MVK: variants seen among roughly 807,000 people sequenced by gnomAD.
MVK encodes the protein mevalonate kinase.
MVK carries 34 observed loss-of-function variants against 43.2 expected under a neutral mutation model. The ratio of observed to expected loss-of-function variants is 0.79; its 90% CI spans 0.60 to 1.05. The LOEUF is 1.05. Among genes scored for constraint, MVK ranks in the 50% least tolerant of loss-of-function variants. The pLI, the probability that MVK is intolerant of heterozygous loss-of-function variation, is 0.00. For synonymous variants in MVK, 190 were observed against 219.8 expected (o/e 0.86, Z 1.20); for missense variants, 395 against 504.0 (o/e 0.78, Z 2.07).
Position 109,586,012 on chromosome 12 carries a change from G to A in MVK, c.528-10G>A. On this transcript the variant is annotated splice_polypyrimidine_tract_variant and intron_variant, in intron 5 of 10. Coordinates refer to ENST00000228510, the MANE Select transcript of MVK (RefSeq NM_000431.4). ...ACTGCCACAGTAAAGATGAACATCT[G>A]TGTCTTCAGGTGGACCAAGGAGGAT... The A allele has an allele frequency of 6.2e-7, 1 of 1,609,536 alleles. No individual in the cohort carries two copies. The highest frequency in any genetic ancestry group is 1.3e-5 in the African/African-American group (1 of 74,940).
At position 109,596,769 on chromosome 12, in the gene MVK, G is replaced by T; in HGVS notation, c.*192G>T. The T allele has an allele frequency of 1.2e-6, 1 of 810,228 alleles. No homozygotes were observed. Among genetic ancestry groups the T allele is most frequent in the Non-Finnish European group, 2.0e-6 (1 of 511,278 alleles). The allele number at this position is 810,228 out of a possible 1,614,324, so 50.2% of individuals were successfully genotyped here. ...CCTAGGGAGGCATGGTCTGCCCTCT[G>T]CATCCTCTGGAGCCAGCCGAGCAGG... On this transcript the variant is annotated 3_prime_UTR_variant, in exon 11 of 11. Transcript: ENST00000228510.
chr12:109,591,153 C>T, intron 8 of MVK, 88 bp from the exon 9 acceptor site: 1 of 1,284,050 alleles, frequency 7.8e-7, no homozygotes, highest in Non-Finnish European at 1.1e-6. Context: ...TGTGTGAACA[C>T]CTCCTCCCTC....
Position 109,594,023 on chromosome 12 carries a change from A to G in MVK, c.886-1005A>G, listed in dbSNP as rs561141256. On this transcript the variant is annotated intron_variant, in intron 9 of 10. Coordinates refer to ENST00000228510, the MANE Select transcript of MVK (RefSeq NM_000431.4). Reference sequence around the variant, plus strand: ...GTGAGCCACCACACCCTGCTGAGGCAGATACTCTTATGACCCCGGTTTACA... The same window carrying G: ...GTGAGCCACCACACCCTGCTGAGGCGGATACTCTTATGACCCCGGTTTACA... 7.9e-5 allele frequency among the ~76,000 whole-genome samples: 12 copies of G among 152,040 alleles called. No homozygotes were observed. The East Asian group carries it at 1.4e-3, about 17-fold the overall frequency.
intron 5 of MVK, among the ~76,000 whole-genome samples, chr12:109,583,878 G>A (rs138760436): frequency 2.3e-4 from 35 of 152,338 alleles, no homozygotes; most frequent in Non-Finnish European, 3.8e-4. Context: ...CAAGAAGTCA[G>A]GGACCTTGTC....
At chr12:109,579,026 CTT>C (rs1030759331) in intron 3 of MVK, 15 of 287,398 alleles carry the variant, frequency 5.2e-5, no homozygotes, top group Non-Finnish European at 9.0e-5. Flanking sequence ...ACTTAACACT[CTT>C]TTGATTTTGG....
intron 6 of MVK, 78 bp downstream of exon 6, chr12:109,586,203 T>G: frequency 8.6e-7 from 1 of 1,165,798 alleles, no homozygotes; most frequent in Non-Finnish European, 1.3e-6. Flanking sequence ...CAAGAGTCTG[T>G]GCTGGTTTGG....
At chr12:109,591,015 G>A (rs1041780660) in intron 8 of MVK, among the ~76,000 whole-genome samples, 154 bp downstream of exon 8, 2 of 152,188 alleles carry the variant, frequency 1.3e-5, no homozygotes, top group African/African-American at 4.8e-5. Context: ...AGAAGGTACC[G>A]TCCGTGCCCG....
At position 109,586,040 on chromosome 12, in the gene MVK, G is replaced by T. The variant is rs746212391; in HGVS notation, c.546G>T (p.Leu182Phe). 4.3e-6 allele frequency: 7 copies of T among 1,614,116 alleles called. No homozygotes were observed. The South Asian group carries it at 7.7e-5, about 18-fold the overall frequency. The part of the protein sequence containing the change: ...DCVNRWTKED[L>F]ELINKWAFQG... The stretch of plus-strand genomic sequence containing the variant: ...TCTTCAGGTGGACCAAGGAGGATTT[G>T]GAGCTAATTAACAAGTGGGCCTTCC... The change falls in exon 6 of 11, where the codon TTG becomes TTT. Residue 182 changes from leucine (L) to phenylalanine (F), a missense_variant. By Grantham distance (22) the Leu-to-Phe change is conservative (BLOSUM62 0). Transcript: ENST00000228510.
intron 4 of MVK, 69 bp downstream of exon 4, chr12:109,580,015 A>G (rs568264866): frequency 1.2e-6 from 2 of 1,603,728 alleles, no homozygotes; most frequent in South Asian, 2.2e-5. Flanking sequence ...AGTTTCTGTC[A>G]TTGCTGCTGG....
chr12:109,576,737 G>A (rs1400279839), intron 3 of MVK, among the ~76,000 whole-genome samples: 1 of 151,938 alleles, frequency 6.6e-6, no homozygotes, highest in Non-Finnish European at 1.5e-5. Flanking sequence ...TGGGTGTGGT[G>A]GCACACACCT....
rs1885636019 is a variant in MVK at position 109,590,817 on chromosome 12, A to G, written c.724A>G (p.Asn242Asp). ...GCTGACCAACACCAAAGTCCCTCGC[A>G]ATACCAGGGCCCTTGTGGCTGGCGT... The part of the protein sequence containing the change: ...ILLTNTKVPR[N>D]TRALVAGVRN... Residue 242 changes from asparagine (N) to aspartate (D), a missense_variant, in exon 8 of 11, where the codon AAT (asparagine) becomes GAT (aspartate). Physicochemically the swap from Asn to Asp is conservative, Grantham distance 23 (BLOSUM62 1). Coordinates refer to ENST00000228510, the MANE Select transcript of MVK (RefSeq NM_000431.4). 2 of 1,614,164 alleles carry G rather than the reference A, an allele frequency of 1.2e-6. No homozygotes were observed. Among genetic ancestry groups the G allele is most frequent in the Non-Finnish European group, 1.7e-6 (2 of 1,180,028 alleles).
At chr12:109,579,136 AATTT>A in intron 3 of MVK, 2 of 384,490 alleles carry the variant, frequency 5.2e-6, no homozygotes, top group Admixed American at 6.3e-5. Flanking sequence ...TTAAGACTAC[AATTT>A]TTTTTTTTTT....
intron 9 of MVK, 51 bp downstream of exon 9, chr12:109,591,408 A>T: frequency 4.0e-6 from 6 of 1,518,610 alleles, no homozygotes; most frequent in Non-Finnish European, 5.5e-6. Flanking sequence ...ACCACTGTCC[A>T]AGGCAGTGGC....
intron 9 of MVK, among the ~76,000 whole-genome samples, chr12:109,592,945 G>A (rs113903795): frequency 5.0e-4 from 76 of 152,240 alleles, no homozygotes; most frequent in Non-Finnish European, 6.9e-4. Flanking sequence ...ACACCCTGTC[G>A]AGTCCCTGGA....
chr12:109,583,548 G>A (rs2136231906), intron 5 of MVK, among the ~76,000 whole-genome samples: 1 of 152,302 alleles, frequency 6.6e-6, no homozygotes, highest in South Asian at 2.1e-4. Flanking sequence ...GAATAGTGCT[G>A]CAATAAACAC....
In MVK at chr12:109,595,025, T is replaced by TA. The variant is rs1332047942; in HGVS notation, c.886-2dup. On this transcript the variant is annotated splice_polypyrimidine_tract_variant and splice_region_variant and intron_variant, in intron 9 of 10. Transcript: ENST00000228510. This position sits in a 1 kb window ranked among gnomAD's most constrained non-coding sequence, Gnocchi z 5.9. ...TGGGAACAGATGGAACCTTCTCCCCTAGGAGCTCATTGACATGAACCAGCA... is the reference window on the plus strand; with the variant it reads ...TGGGAACAGATGGAACCTTCTCCCCTAAGGAGCTCATTGACATGAACCAGCA... 3.7e-6 allele frequency: 6 copies of TA among 1,614,026 alleles called. No homozygotes were observed. In the Admixed American group the frequency reaches 1.0e-4, roughly 27 times the overall value.
intron 1 of MVK, among the ~76,000 whole-genome samples, chr12:109,574,087 C>T (rs971524163): frequency 2.6e-5 from 4 of 152,172 alleles, no homozygotes; most frequent in African/African-American, 9.7e-5. Flanking sequence ...ATGGGGATCA[C>T]GATAGTACTT....
In MVK at chr12:109,597,809, G is replaced by C. The variant is rs1426579065; in HGVS notation, c.*1232G>C. The C allele has an allele frequency of 6.6e-6, 1 of 152,274 alleles. No homozygotes were observed. The highest frequency in any genetic ancestry group is 1.5e-5 in the Non-Finnish European group (1 of 68,080). 9.4% of individuals were successfully genotyped at this position (152,274 alleles called of 1,614,324 possible). A position where few individuals can be genotyped will look rare whatever the true frequency, so the allele number is the denominator to read the frequency against. On this transcript the variant is annotated 3_prime_UTR_variant, in exon 11 of 11. Transcript: ENST00000228510. Reference sequence around the variant, plus strand: ...GACCTGCAAAGAGGCCGAGTGGAAAGGTGGGGGCCGGCGCAGGGATTTCAG... The same window carrying C: ...GACCTGCAAAGAGGCCGAGTGGAAACGTGGGGGCCGGCGCAGGGATTTCAG...
intron 7 of MVK, chr12:109,590,032 G>A (rs72648025): frequency 0.054 from 8,433 of 156,652 alleles, 317 homozygotes; most frequent in Middle Eastern, 0.084. Context: ...CTCTACATCT[G>A]GTTTTAGACC....
Sources: gnomAD v4.1 joint callset for allele counts (sites outside exome capture counted in the v4.1 genomes callset) on GRCh38, gnomAD v4.1.1 for gene constraint, Gnocchi (gnomAD v3.1) non-coding constraint, MANE v1.5 for transcripts, NCBI Gene and HGNC (gene_info 2026-07-23, HGNC 2026-07-21) for gene names.